The following GHRH variants were observed in gnomAD, a reference collection of about 807,000 sequenced individuals.
GHRH encodes somatoliberin.
In GHRH, 7 loss-of-function variants were observed where a neutral mutation model predicts 15.6. The observed-to-expected ratio is 0.45, with a 90% confidence interval of 0.26 to 0.84. The LOEUF (loss-of-function observed/expected upper bound fraction) is 0.84. GHRH is among the 40% of genes least tolerant of loss of function. The pLI is 0.18. For missense variants in GHRH, 117 were observed against 138.0 expected (o/e 0.85, Z 0.76); for synonymous variants, 54 against 50.4 (o/e 1.07, Z -0.30).
In GHRH at chr20:37,251,767, G is replaced by A. The variant is rs533330255; in HGVS notation, c.309-536C>T. Among the ~76,000 whole-genome samples the A allele has an allele frequency of 7.9e-4, 121 of 152,290 alleles. 1 individual carries two copies. Among genetic ancestry groups the A allele is most frequent in the Non-Finnish European group, 1.4e-3 (98 of 68,028 alleles). On this transcript the variant is annotated intron_variant, in intron 4 of 4. Coordinates refer to ENST00000373614, the MANE Select transcript of GHRH (RefSeq NM_021081.6). ...CTCAGTTTCCTTACAGGGCTGTTAC[G>A]TGGACACAATGTATGATGGCTGCAA...
intron 1 of GHRH, among the ~76,000 whole-genome samples, chr20:37,257,767 A>T (rs2068665854): frequency 6.6e-6 from 1 of 152,196 alleles, no homozygotes; most frequent in African/African-American, 2.4e-5. Context: ...CCCCGGCCAT[A>T]AAACCAAGAT....
At chr20:37,253,992 C>A (rs555796687) in intron 4 of GHRH, among the ~76,000 whole-genome samples, 14 of 152,216 alleles carry the variant, frequency 9.2e-5, no homozygotes, top group South Asian at 2.1e-4. Flanking sequence ...CTCAGATGAT[C>A]CACCCACCTT....
rs2068667754 is a variant in GHRH at position 37,258,168 on chromosome 20, C to G, written c.-19-1260G>C. Among the ~76,000 whole-genome samples the G allele has an allele frequency of 6.6e-6, 1 of 152,238 alleles. No individual in the cohort carries two copies. Among genetic ancestry groups the G allele is most frequent in the Non-Finnish European group, 1.5e-5 (1 of 68,034 alleles). The stretch of plus-strand genomic sequence containing the variant: ...AAGTGCCACTGCTGTCAGCCCAGAC[C>G]TGCCCAAGCATGGAAACACGGCTGG... On this transcript the variant is annotated intron_variant, in intron 1 of 4. Coordinates refer to ENST00000373614, the MANE Select transcript of GHRH (RefSeq NM_021081.6). The surrounding 1 kb of genome is among the most constrained non-coding windows in gnomAD (Gnocchi z 4.1).
chr20:37,257,001 C>T (rs113986986), intron 1 of GHRH, 93 bp from the exon 2 acceptor site: 33 of 751,830 alleles, frequency 4.4e-5, no homozygotes, highest in African/African-American at 4.1e-4. Context: ...CATGGCAAGC[C>T]TTGGTCCTTG....
intron 3 of GHRH, among the ~76,000 whole-genome samples, chr20:37,255,758 G>C (rs1399805872): frequency 1.3e-5 from 2 of 151,570 alleles, no homozygotes; most frequent in African/African-American, 4.9e-5. Flanking sequence ...AGCTGGGCAA[G>C]GTGGCTCACA....
chr20:37,251,236 A>C lies in GHRH; in HGVS notation c.309-5T>G. 6.2e-7 allele frequency: 1 copy of C among 1,601,984 alleles called. No individual in the cohort carries two copies. On this transcript the variant is annotated splice_region_variant and splice_polypyrimidine_tract_variant and intron_variant, in intron 4 of 4. Coordinates refer to ENST00000373614, the MANE Select transcript of GHRH (RefSeq NM_021081.6). ...CTTCATCCCTGGGAGTTCCTGCTGC[A>C]GAAAGAAAGATCAAGCTCAATCCGG... is the stretch of plus-strand genomic sequence containing the variant.
At chr20:37,259,895 G>A (rs1307277767) in intron 1 of GHRH, among the ~76,000 whole-genome samples, 1 of 152,170 alleles carries the variant, frequency 6.6e-6, no homozygotes, top group East Asian at 1.9e-4. Context: ...TCTATTCACA[G>A]TATTCCCCAT....
chr20:37,254,646 T>G (rs1453289384), intron 3 of GHRH, among the ~76,000 whole-genome samples: 1 of 152,128 alleles, frequency 6.6e-6, no homozygotes, highest in Non-Finnish European at 1.5e-5. Flanking sequence ...ATGGCACAAA[T>G]TGCCATCCTG....
In GHRH at chr20:37,256,385, C is replaced by T. The variant is rs2068655759; in HGVS notation, c.188+9G>A. The T allele has an allele frequency of 1.9e-6, 3 of 1,587,868 alleles. No individual in the cohort carries two copies. Among genetic ancestry groups the T allele is most frequent in the Non-Finnish European group, 2.6e-6 (3 of 1,159,452 alleles). On this transcript the variant is annotated intron_variant, in intron 3 of 4. Transcript: ENST00000373614. ...GGTGTGGGAAGAAATCACTAGAACT[C>T]CTGCTTACCCCTGCTGCCTGCTCAT...
intron 1 of GHRH, 41 bp from the exon 2 acceptor site, chr20:37,256,949 C>A: frequency 8.0e-7 from 1 of 1,255,300 alleles, no homozygotes; most frequent in Non-Finnish European, 1.1e-6. Context: ...ACAGCCACAG[C>A]CATTGGGATG....
At chr20:37,261,577 C>T (rs2068687670) in intron 1 of GHRH, among the ~76,000 whole-genome samples, 166 bp downstream of exon 1, 1 of 152,188 alleles carries the variant, frequency 6.6e-6, no homozygotes, top group Admixed American at 6.5e-5. Flanking sequence ...TTCCAGAGCC[C>T]CTATTGAGGG....
chr20:37,254,159 G>T, intron 4 of GHRH, 51 bp downstream of exon 4: 1 of 1,606,968 alleles, frequency 6.2e-7, no homozygotes, highest in Non-Finnish European at 8.5e-7. Flanking sequence ...GCAAACCACG[G>T]GGTAGGAAGC....
chr20:37,255,072 A>G (rs1039654168), intron 3 of GHRH, among the ~76,000 whole-genome samples: 10 of 152,212 alleles, frequency 6.6e-5, no homozygotes, highest in African/African-American at 2.4e-4. Context: ...ACCTAAGGGT[A>G]AAGGGTCATG....
intron 3 of GHRH, among the ~76,000 whole-genome samples, chr20:37,255,941 G>T (rs1028497115): frequency 1.3e-5 from 2 of 151,936 alleles, no homozygotes; most frequent in Non-Finnish European, 2.9e-5. Context: ...TGGGAGGGTC[G>T]CTTGAGTCCA....
chr20:37,252,284 C>T (rs549141547), intron 4 of GHRH, among the ~76,000 whole-genome samples: 1 of 152,318 alleles, frequency 6.6e-6, no homozygotes, highest in Admixed American at 6.5e-5. Context: ...GTTGTCGCCT[C>T]TCCTGTCATC....
At chr20:37,253,664 C>T (rs1438509066) in intron 4 of GHRH, among the ~76,000 whole-genome samples, 9 of 152,318 alleles carry the variant, frequency 5.9e-5, no homozygotes, top group East Asian at 1.9e-4. Flanking sequence ...GTCTCAAACT[C>T]CTGGCCTCCA....
intron 1 of GHRH, among the ~76,000 whole-genome samples, 173 bp downstream of exon 1, chr20:37,261,570 C>G (rs1339456505): frequency 2.0e-5 from 3 of 152,228 alleles, no homozygotes; most frequent in Non-Finnish European, 4.4e-5. Context: ...AAGCCTATTC[C>G]AGAGCCCCTA....
At chr20:37,260,457 T>A (rs1436394535) in intron 1 of GHRH, among the ~76,000 whole-genome samples, 1 of 151,380 alleles carries the variant, frequency 6.6e-6, no homozygotes, top group Non-Finnish European at 1.5e-5. Context: ...TGGTGGCGCA[T>A]GCCTGTAGTC....
intron 4 of GHRH, among the ~76,000 whole-genome samples, chr20:37,253,414 C>G (rs1040665823): frequency 6.6e-6 from 1 of 152,182 alleles, no homozygotes; most frequent in African/African-American, 2.4e-5. Context: ...CACCTGCAGC[C>G]GAATCCTTGG....
Sources: allele counts gnomAD v4.1 joint callset (sites outside exome capture counted in the v4.1 genomes callset), GRCh38; gene constraint gnomAD v4.1.1; non-coding constraint Gnocchi (gnomAD v3.1); transcripts MANE v1.5; gene names NCBI Gene and HGNC (gene_info 2026-07-23, HGNC 2026-07-21).